DLC1: variants seen among roughly 807,000 people sequenced by gnomAD.
DLC1 encodes DLC1 Rho GTPase activating protein.
DLC1 carries 54 observed loss-of-function variants against 140.3 expected under a neutral mutation model. The observed-to-expected ratio is 0.38, with a 90% CI of 0.31 to 0.48. DLC1 has a LOEUF of 0.48. DLC1 is among the 20% of genes least tolerant of loss of function. The pLI, the probability that DLC1 is intolerant of heterozygous loss-of-function variation, is 0.96. For synonymous variants in DLC1, 986 were observed against 728.1 expected (o/e 1.35, Z -5.70); for missense variants, 2,536 against 1,907.0 (o/e 1.33, Z -6.14).
At chr8:13,107,997 A>C (rs1819725614) in intron 7 of DLC1, among the ~76,000 whole-genome samples, 1 of 152,178 alleles carries the variant, frequency 6.6e-6, no homozygotes, top group Admixed American at 6.5e-5. Flanking sequence ...GTGAGCCGAG[A>C]TCACGCCACT....
At chr8:13,135,199 G>A (rs1050650772) in intron 5 of DLC1, among the ~76,000 whole-genome samples, 3 of 147,508 alleles carry the variant, frequency 2.0e-5, no homozygotes, top group African/African-American at 5.2e-5. Context: ...TAAACAGTGA[G>A]AAGCCTTTTT....
chr8:13,592,450 C>G (rs572890341), intron 1 of DLC1, among the ~76,000 whole-genome samples: 2 of 151,814 alleles, frequency 1.3e-5, no homozygotes, highest in Non-Finnish European at 2.9e-5. Context: ...TTTTAATGTT[C>G]TATATAGCTT....
At chr8:13,139,681 C>T (rs1822830238) in intron 5 of DLC1, among the ~76,000 whole-genome samples, 1 of 152,220 alleles carries the variant, frequency 6.6e-6, no homozygotes, top group South Asian at 2.1e-4. Context: ...GTCATCAGCT[C>T]AAGGCCTCCC....
At chr8:13,411,028 C>G (rs1296549630) in intron 2 of DLC1, among the ~76,000 whole-genome samples, 1 of 151,962 alleles carries the variant, frequency 6.6e-6, no homozygotes, top group Non-Finnish European at 1.5e-5. Context: ...AAAATGAAGA[C>G]CAAGAAACAT....
chr8:13,433,238 T>C (rs922549628), intron 2 of DLC1, among the ~76,000 whole-genome samples: 3 of 152,156 alleles, frequency 2.0e-5, no homozygotes, highest in African/African-American at 7.2e-5. Flanking sequence ...TTTTGACCCA[T>C]GACTCTAGTT....
At chr8:13,565,738 G>A (rs1003067780) in intron 1 of DLC1, among the ~76,000 whole-genome samples, 4 of 152,084 alleles carry the variant, frequency 2.6e-5, no homozygotes, top group Non-Finnish European at 5.9e-5. Flanking sequence ...AGGGTGTCTA[G>A]GCTCTTAAAA....
At chr8:13,107,726 A>G (rs1262195151) in intron 7 of DLC1, among the ~76,000 whole-genome samples, 2 of 152,204 alleles carry the variant, frequency 1.3e-5, no homozygotes, top group Non-Finnish European at 2.9e-5. Context: ...TACACTATGC[A>G]GCTGACAGCT....
chr8:13,565,514 T>C (rs888929973), intron 1 of DLC1, among the ~76,000 whole-genome samples: 9 of 152,350 alleles, frequency 5.9e-5, no homozygotes, highest in Admixed American at 3.3e-4. Context: ...CATTATATGA[T>C]AAAATAAAAT....
chr8:13,188,967 G>A (rs1050237996), intron 5 of DLC1, among the ~76,000 whole-genome samples: 9 of 148,944 alleles, frequency 6.0e-5, no homozygotes, highest in Non-Finnish European at 1.0e-4. Flanking sequence ...GGTATTACAG[G>A]CATGAGCTAT....
In DLC1 at chr8:13,579,361, ATTTTTATAT is replaced by A. The variant is rs1563454115; in HGVS notation, c.-126+25167_-126+25175del. ...TATATATATATATATATATATATAT[ATTTTTATAT>A]AATACATATTTATATATTATATATT... On this transcript the variant is annotated intron_variant, in intron 1 of 1. Coordinates refer to the DLC1 transcript ENST00000631382. Among the ~76,000 whole-genome samples, 126 of 25,480 alleles carry A rather than the reference ATTTTTATAT, an allele frequency of 4.9e-3. 22 individuals are homozygous for A. Among genetic ancestry groups the A allele is most frequent in the South Asian group, 6.6e-3 (6 of 906 alleles). The allele number at this position is 25,480 out of a possible 152,430, so 16.7% of individuals were successfully genotyped here. A position where few individuals can be genotyped will look rare whatever the true frequency, so the allele number is the denominator to read the frequency against.
intron 5 of DLC1, among the ~76,000 whole-genome samples, chr8:13,122,400 C>T (rs1374184490): frequency 6.6e-6 from 1 of 152,140 alleles, no homozygotes; most frequent in Non-Finnish European, 1.5e-5. Flanking sequence ...TTCTTCACTC[C>T]ACCAACTTCT....
upstream of DLC1, among the ~76,000 whole-genome samples, chr8:13,515,072 C>G (rs1802540015): frequency 1.3e-5 from 2 of 152,122 alleles, no homozygotes; most frequent in African/African-American, 4.8e-5. Flanking sequence ...AGTCCTAGAG[C>G]TTTTTCTATC....
chr8:13,119,573 A>G (rs1308349551), intron 5 of DLC1, among the ~76,000 whole-genome samples: 1 of 152,182 alleles, frequency 6.6e-6, no homozygotes, highest in Non-Finnish European at 1.5e-5. Flanking sequence ...TACACCTCAC[A>G]TTGATCCTAA....
chr8:13,361,339 C>T (rs1455767103), intron 4 of DLC1, among the ~76,000 whole-genome samples: 2 of 151,942 alleles, frequency 1.3e-5, no homozygotes, highest in East Asian at 3.9e-4. Context: ...ACTGTAGCCT[C>T]GAACTCCTGG....
intron 5 of DLC1, chr8:13,133,377 C>A: frequency 1.0e-6 from 1 of 984,812 alleles, no homozygotes; most frequent in South Asian, 2.9e-5. Flanking sequence ...GCCTCCTCCC[C>A]GCTGTCTGGG....
intron 4 of DLC1, among the ~76,000 whole-genome samples, chr8:13,327,492 T>G (rs1355456379): frequency 8.2e-5 from 5 of 60,628 alleles, no homozygotes; most frequent in East Asian, 3.0e-4. Context: ...CTTTGTAGAG[T>G]GGGCGGTGGG....
At position 13,305,261 on chromosome 8, in the gene DLC1, C is replaced by G; in HGVS notation, c.1348+8G>C. 1 of 1,606,886 alleles carries G rather than the reference C, an allele frequency of 6.2e-7. No homozygotes were observed. Among genetic ancestry groups the G allele is most frequent in the Non-Finnish European group, 8.5e-7 (1 of 1,176,616 alleles). On this transcript the variant is annotated splice_region_variant and intron_variant, in intron 5 of 17. Coordinates refer to ENST00000276297, the MANE Select transcript of DLC1 (RefSeq NM_182643.3). ...TGGCGAGAAAACAGAACCAAAATGT[C>G]AACTTACCAGCCTTTTCCTTCTCTG...
chr8:13,365,664 T>C (rs1400636676), intron 4 of DLC1, among the ~76,000 whole-genome samples: 1 of 152,126 alleles, frequency 6.6e-6, no homozygotes, highest in East Asian at 1.9e-4. Flanking sequence ...TCCTTCTGGG[T>C]TTCCAGACAT....
chr8:13,567,224 A>C (rs1413478660), intron 1 of DLC1: 2 of 1,551,520 alleles, frequency 1.3e-6, no homozygotes, highest in African/African-American at 2.7e-5. Context: ...GACTATAAAA[A>C]TTATGAAAAG....
Sources: gnomAD v4.1 joint callset for allele counts (sites outside exome capture counted in the v4.1 genomes callset) on GRCh38, gnomAD v4.1.1 for gene constraint, MANE v1.5 for transcripts, NCBI Gene and HGNC (gene_info 2026-07-23, HGNC 2026-07-21) for gene names.